Variants in IMMP2L observed in about 807,000 individuals in gnomAD.
IMMP2L encodes mitochondrial inner membrane protease subunit 2.
IMMP2L carries 18 observed loss-of-function variants against 19.3 expected under a neutral mutation model. That is an observed-to-expected ratio of 0.93 (90% confidence interval 0.64 to 1.38). The LOEUF (loss-of-function observed/expected upper bound fraction) is 1.38, where lower values mean the gene tolerates loss of function less well. Among genes scored for constraint, IMMP2L ranks in the 40% most tolerant of loss-of-function variants. The probability of loss-of-function intolerance (pLI) is 0.00; values close to 1 mark genes in which losing one functional copy is unlikely to be tolerated. For missense variants in IMMP2L, 233 were observed against 218.2 expected (o/e 1.07, Z -0.43); for synonymous variants, 76 against 73.0 (o/e 1.04, Z -0.21).
At chr7:111,470,399 C>G (rs1467110566) in intron 3 of IMMP2L, among the ~76,000 whole-genome samples, 10 of 152,046 alleles carry the variant, frequency 6.6e-5, no homozygotes, top group Admixed American at 3.9e-4. Context: ...GACTATAAAT[C>G]ATGCTGCTAT....
At chr7:110,885,191 C>T (rs572384420) in intron 5 of IMMP2L, among the ~76,000 whole-genome samples, 14 of 150,446 alleles carry the variant, frequency 9.3e-5, no homozygotes, top group African/African-American at 1.2e-4. Context: ...TTTTTTATTT[C>T]GGAGTATTTG....
intron 3 of IMMP2L, among the ~76,000 whole-genome samples, chr7:111,078,936 G>A (rs1260992386): frequency 8.6e-5 from 13 of 151,862 alleles, no homozygotes; most frequent in Admixed American, 8.5e-4. Flanking sequence ...CACCATGTTG[G>A]CCAGGCTGGT....
rs181368051 is a variant in IMMP2L, at chr7:110,760,602, A to T, written c.409-96881T>A. On this transcript the variant is annotated intron_variant, in intron 5 of 5. Transcript: ENST00000405709. This position sits in a 1 kb window ranked among gnomAD's most constrained non-coding sequence, Gnocchi z 4.2. ...GGAATGAAGTTCCTAGAAGATACCA[A>T]TCCATATTGAAAGGGAGCAACGTGT... 4.4e-4 allele frequency among the ~76,000 whole-genome samples: 67 copies of T among 152,200 alleles called. No individual in the cohort carries two copies. Among genetic ancestry groups the T allele is most frequent in the Non-Finnish European group, 1.5e-5 (1 of 68,008 alleles).
intron 3 of IMMP2L, chr7:111,411,701 A>G: frequency 4.8e-6 from 1 of 210,384 alleles, no homozygotes; most frequent in South Asian, 7.8e-5. Context: ...GCAGGTGCCC[A>G]TCTTCAAGGG....
At chr7:111,181,923 T>C (rs1477687260) in intron 3 of IMMP2L, among the ~76,000 whole-genome samples, 1 of 152,034 alleles carries the variant, frequency 6.6e-6, no homozygotes, top group African/African-American at 2.4e-5. Flanking sequence ...CTTGCTTACA[T>C]ATAGAACAAG....
At chr7:111,052,283 C>G (rs1402814184) in intron 3 of IMMP2L, among the ~76,000 whole-genome samples, 2 of 152,190 alleles carry the variant, frequency 1.3e-5, no homozygotes, top group Non-Finnish European at 2.9e-5. Context: ...GAGTCTGACA[C>G]CTTTTAAGGT....
intron 3 of IMMP2L, among the ~76,000 whole-genome samples, chr7:110,981,686 G>T (rs1208141824): frequency 6.6e-6 from 1 of 151,816 alleles, no homozygotes; most frequent in Non-Finnish European, 1.5e-5. Flanking sequence ...ACATTTCCAG[G>T]ACTGAGGAAA....
chr7:111,079,179 G>A (rs1321353203), intron 3 of IMMP2L, among the ~76,000 whole-genome samples: 3 of 149,176 alleles, frequency 2.0e-5, no homozygotes, highest in Non-Finnish European at 4.5e-5. Flanking sequence ...GTGCAGTGGC[G>A]GGATCTCGGC....
intron 3 of IMMP2L, among the ~76,000 whole-genome samples, chr7:111,448,346 A>G (rs1331194863): frequency 1.3e-5 from 2 of 150,010 alleles, no homozygotes; most frequent in East Asian, 3.9e-4. Context: ...AACAGAAATT[A>G]TAACAAACTA....
At chr7:111,104,484 C>T (rs1798322757) in intron 3 of IMMP2L, among the ~76,000 whole-genome samples, 1 of 151,808 alleles carries the variant, frequency 6.6e-6, no homozygotes, top group Non-Finnish European at 1.5e-5. Flanking sequence ...CTAATACCAT[C>T]ACTTCTATTG....
rs1329358670 is a variant in IMMP2L, at chr7:111,204,283, G to T, written c.240-240718C>A. Among the ~76,000 whole-genome samples the T allele has an allele frequency of 2.0e-5, 3 of 152,006 alleles. No individual in the cohort carries two copies. The East Asian group carries it at 5.8e-4, about 29-fold the overall frequency. On this transcript the variant is annotated intron_variant, in intron 3 of 5. Transcript: ENST00000405709. ...GGCATCTACCTTTAAAATGCAATTT[G>T]GGATCTGCTTCTGTTAAAAGTAAAT...
At chr7:111,532,668 G>A (rs1490698602) in intron 1 of IMMP2L, 1 of 152,110 alleles carries the variant, frequency 6.6e-6, no homozygotes, top group Non-Finnish European at 1.5e-5. Context: ...CAAACTTATA[G>A]CTAGCCCAGG....
intron 5 of IMMP2L, chr7:110,724,661 G>T (rs1201384994): frequency 2.0e-5 from 3 of 151,702 alleles, no homozygotes; most frequent in Non-Finnish European, 4.4e-5. Flanking sequence ...TTAAAAATCA[G>T]ATTTAGTAAA....
intron 5 of IMMP2L, among the ~76,000 whole-genome samples, chr7:110,692,626 A>C (rs555694996): frequency 6.6e-6 from 1 of 152,204 alleles, no homozygotes; most frequent in East Asian, 1.9e-4. Context: ...AAAGAAAATA[A>C]GTTTCAAACT....
chr7:110,849,241 T>C (rs73423031), intron 5 of IMMP2L, among the ~76,000 whole-genome samples: 8,106 of 152,134 alleles, frequency 0.053, 692 homozygotes, highest in African/African-American at 0.18. Flanking sequence ...GCTCTAAAAA[T>C]ATAGTTTACT....
chr7:111,445,616 G>A (rs1321137940), intron 3 of IMMP2L, among the ~76,000 whole-genome samples: 1 of 152,154 alleles, frequency 6.6e-6, no homozygotes, highest in Non-Finnish European at 1.5e-5. Flanking sequence ...AACGTTCTAG[G>A]TTTCAGATTA....
At chr7:111,150,871 C>T (rs142549917) in intron 3 of IMMP2L, among the ~76,000 whole-genome samples, 123 of 152,296 alleles carry the variant, frequency 8.1e-4, no homozygotes, top group African/African-American at 2.1e-3. Context: ...TTCTGCATGG[C>T]TTCCATATAA....
chr7:111,376,809 C>T (rs1420098922), intron 3 of IMMP2L, among the ~76,000 whole-genome samples: 5 of 152,030 alleles, frequency 3.3e-5, no homozygotes, highest in Admixed American at 3.3e-4. Context: ...AACCACATAT[C>T]ATGTAATTCC....
chr7:110,694,472 G>T (rs941950665), intron 5 of IMMP2L, among the ~76,000 whole-genome samples: 1 of 152,114 alleles, frequency 6.6e-6, no homozygotes, highest in Non-Finnish European at 1.5e-5. Flanking sequence ...TTAAGGAAAA[G>T]AAAAAGTAAT....
Sources: allele counts gnomAD v4.1 joint callset (sites outside exome capture counted in the v4.1 genomes callset), GRCh38; gene constraint gnomAD v4.1.1; non-coding constraint Gnocchi (gnomAD v3.1); transcripts MANE v1.5; gene names NCBI Gene and HGNC (gene_info 2026-07-23, HGNC 2026-07-21).